The following KMT2C variants were observed in gnomAD, a reference collection of about 807,000 sequenced individuals.
KMT2C encodes the protein histone-lysine N-methyltransferase 2C.
A neutral mutation model predicts 507.9 loss-of-function variants in KMT2C; 88 were observed. The observed-to-expected ratio is 0.17, with a 90% CI of 0.15 to 0.21. The LOEUF (loss-of-function observed/expected upper bound fraction) is 0.21. Among genes scored for constraint, KMT2C ranks in the 10% least tolerant of loss-of-function variants. KMT2C has a pLI of 1.00. For missense variants in KMT2C, 4,954 were observed against 5,957.8 expected, an observed-to-expected ratio of 0.83 and a Z score of 5.55; for synonymous variants, 2,049 against 2,080.8, an observed-to-expected ratio of 0.98 and a Z score of 0.42.
intron 23 of KMT2C, among the ~76,000 whole-genome samples, chr7:152,213,203 T>C (rs1281742525): frequency 6.6e-6 from 1 of 152,172 alleles, no homozygotes; most frequent in African/African-American, 2.4e-5. Flanking sequence ...TTCACAAAAA[T>C]AGAAAACACA....
At chr7:152,303,809 G>A (rs866910096) in intron 6 of KMT2C, among the ~76,000 whole-genome samples, 1 of 152,148 alleles carries the variant, frequency 6.6e-6, no homozygotes, top group South Asian at 2.1e-4. Context: ...CCAACATGGC[G>A]AAACCCTGTC....
chr7:152,335,838 G>T (rs918374676), intron 2 of KMT2C, among the ~76,000 whole-genome samples: 2 of 152,090 alleles, frequency 1.3e-5, no homozygotes, highest in African/African-American at 4.8e-5. Flanking sequence ...CAGTAGGTTT[G>T]CAGGTATACA....
At chr7:152,258,520 C>CTGTTGT (rs890652824) in intron 9 of KMT2C, among the ~76,000 whole-genome samples, 3 of 151,572 alleles carry the variant, frequency 2.0e-5, no homozygotes, top group African/African-American at 4.8e-5. Context: ...GTTGTTGTTG[C>CTGTTGT]TGTTGTTGTT....
chr7:152,187,561 T>C, intron 32 of KMT2C, 85 bp from the exon 33 acceptor site: 1 of 1,424,810 alleles, frequency 7.0e-7, no homozygotes, highest in Admixed American at 1.9e-5. Flanking sequence ...TAAAACCTAT[T>C]ACAAAACAGT....
Position 152,382,321 on chromosome 7 carries a change from T to C in KMT2C, c.162-23646A>G, listed in dbSNP as rs113688086. On this transcript the variant is annotated intron_variant, in intron 1 of 58. Transcript: ENST00000262189. ...GTTCTATAAACATGAGAGATAACCC[T>C]GTTGGCTCATGCCACTGTCCTTATT... 7.9e-5 allele frequency among the ~76,000 whole-genome samples: 12 copies of C among 151,842 alleles called. No individual in the cohort carries two copies. The East Asian group carries it at 9.7e-4, about 12-fold the overall frequency.
At chr7:152,428,188 C>T (rs2097838403) in intron 1 of KMT2C, among the ~76,000 whole-genome samples, 4 of 152,078 alleles carry the variant, frequency 2.6e-5, no homozygotes, top group Non-Finnish European at 5.9e-5. Context: ...AATAAAATAA[C>T]TGGGCATAAA....
rs1455279400 is a variant in KMT2C at position 152,163,470 on chromosome 7, T to A, written c.10107A>T (p.Thr3369=). 6.2e-7 allele frequency: 1 copy of A among 1,614,230 alleles called. No homozygotes were observed. Among genetic ancestry groups the A allele is most frequent in the East Asian group, 2.2e-5 (1 of 44,888 alleles). ...CACTCTGTGGATTTGCATTTGAGAC[T>A]GTCCCTGGGGCTGGTGTACAAGTTT... is the stretch of plus-strand genomic sequence containing the variant. The part of the protein sequence containing the change: ...PIKTCTPAPG[T]VSNANPQSGP... The change falls in exon 43 of 59, where the codon ACA becomes ACT. Residue 3369 remains threonine, a synonymous_variant. Coordinates refer to ENST00000262189, the MANE Select transcript of KMT2C (RefSeq NM_170606.3).
At chr7:152,259,444 G>GCGCA (rs1554587540) in intron 9 of KMT2C, among the ~76,000 whole-genome samples, 5 of 85,370 alleles carry the variant, frequency 5.9e-5, no homozygotes, top group African/African-American at 1.7e-4. Flanking sequence ...ACACACACAC[G>GCGCA]CGCACACACA....
At chr7:152,354,283 G>A (rs545985231) in intron 2 of KMT2C, among the ~76,000 whole-genome samples, 30 of 152,318 alleles carry the variant, frequency 2.0e-4, no homozygotes, top group Admixed American at 1.8e-3. Context: ...CAGGAATTTA[G>A]TTTTGTTGTA....
At position 152,199,376 on chromosome 7, in the gene KMT2C, C is replaced by G. The variant is rs1279805957; in HGVS notation, c.4176G>C (p.Gln1392His). The G allele has an allele frequency of 1.9e-6, 3 of 1,604,662 alleles. No homozygotes were observed. Among genetic ancestry groups the G allele is most frequent in the Non-Finnish European group, 1.7e-6 (2 of 1,176,562 alleles). ...SLDNLSEDGA[Q>H]LLYKTNMNTG... ...TGTTCATGTTTGTTTTATATAAAAGCTGAGCTCCATCTTCTGACAGATTAT... is the reference window on the plus strand; with the variant it reads ...TGTTCATGTTTGTTTTATATAAAAGGTGAGCTCCATCTTCTGACAGATTAT... Residue 1392 changes from glutamine (Q) to histidine (H), a missense_variant, in exon 27 of 59, where the codon CAG (glutamine) becomes CAC (histidine). This residue lies in a region of KMT2C where 140 missense variants were observed against 118.4 expected (regional missense o/e 1.18). Coordinates refer to ENST00000262189, the MANE Select transcript of KMT2C (RefSeq NM_170606.3).
At chr7:152,255,401 A>G (rs1428499957) in intron 9 of KMT2C, among the ~76,000 whole-genome samples, 1 of 151,840 alleles carries the variant, frequency 6.6e-6, no homozygotes, top group African/African-American at 2.4e-5. Flanking sequence ...CCTGAGCTCA[A>G]GCAACACCCC....
intron 3 of KMT2C, among the ~76,000 whole-genome samples, chr7:152,316,362 T>C (rs2096723043): frequency 6.6e-6 from 1 of 152,206 alleles, no homozygotes; most frequent in East Asian, 1.9e-4. Flanking sequence ...GGTGGGAGAA[T>C]GAGCTCAATT....
chr7:152,361,420 G>A (rs996806080), intron 1 of KMT2C, among the ~76,000 whole-genome samples: 3 of 151,920 alleles, frequency 2.0e-5, no homozygotes, highest in Admixed American at 6.6e-5. Flanking sequence ...AAAATTAGCC[G>A]GGCGTGGTAG....
At chr7:152,274,135 G>T (rs3877779) in intron 6 of KMT2C, among the ~76,000 whole-genome samples, 1 of 150,926 alleles carries the variant, frequency 6.6e-6, no homozygotes, top group East Asian at 2.0e-4. Context: ...AAGCATTTTT[G>T]AAACAAAACC....
chr7:152,212,054 C>T (rs1446562224), intron 23 of KMT2C, among the ~76,000 whole-genome samples: 2 of 151,170 alleles, frequency 1.3e-5, no homozygotes, highest in Non-Finnish European at 3.0e-5. Flanking sequence ...TCGAAAGAAA[C>T]GAAGAAAAGA....
intron 40 of KMT2C, 106 bp downstream of exon 40, chr7:152,171,158 C>A: frequency 1.6e-6 from 1 of 633,412 alleles, no homozygotes; most frequent in Non-Finnish European, 2.5e-6. Flanking sequence ...TTTACTTCTG[C>A]ACAAACCTAG....
chr7:152,227,838 C>T (rs1034568299), intron 18 of KMT2C, among the ~76,000 whole-genome samples: 1 of 152,196 alleles, frequency 6.6e-6, no homozygotes, highest in African/African-American at 2.4e-5. Context: ...ACAATTACCA[C>T]AGCTTGCAAA....
chr7:152,218,579 G>A (rs537808751), intron 23 of KMT2C, among the ~76,000 whole-genome samples: 4 of 152,128 alleles, frequency 2.6e-5, no homozygotes. Context: ...TATATCATAG[G>A]AGAGTGTTCC....
At chr7:152,369,880 A>C (rs577422025) in intron 1 of KMT2C, among the ~76,000 whole-genome samples, 2 of 142,950 alleles carry the variant, frequency 1.4e-5, no homozygotes, top group Non-Finnish European at 2.9e-5. Context: ...CTAAAACAGG[A>C]ATGAAAGGGG....
Sources: allele counts gnomAD v4.1 joint callset (sites outside exome capture counted in the v4.1 genomes callset), GRCh38; gene constraint gnomAD v4.1.1; regional missense constraint gnomAD v4.1.1; transcripts MANE v1.5; gene names NCBI Gene and HGNC (gene_info 2026-07-23, HGNC 2026-07-21).